CSMD1: variants seen among roughly 807,000 people sequenced by gnomAD.
The protein encoded by CSMD1 is CUB and sushi domain-containing protein 1.
In CSMD1, 213 loss-of-function variants were observed where a neutral mutation model predicts 417.5. The observed-to-expected ratio is 0.51, with a 90% confidence interval of 0.46 to 0.57. The LOEUF (loss-of-function observed/expected upper bound fraction) is 0.57, where lower values mean the gene tolerates loss of function less well. Ranked by LOEUF, CSMD1 falls within the 20% of genes least tolerant of loss-of-function variation. The pLI is 0.00. For missense variants in CSMD1, 6,923 were observed against 4,529.7 expected, an observed-to-expected ratio of 1.53 and a Z score of -15.17; for synonymous variants, 2,862 against 1,736.8, an observed-to-expected ratio of 1.65 and a Z score of -16.11.
chr8:3,984,782 T>C (rs896712743), intron 5 of CSMD1, among the ~76,000 whole-genome samples: 1 of 145,020 alleles, frequency 6.9e-6, no homozygotes, highest in Admixed American at 7.0e-5. Context: ...TGTGTGTGTG[T>C]GTGGGTGTAA....
intron 12 of CSMD1, among the ~76,000 whole-genome samples, chr8:3,431,690 T>C (rs898297546): frequency 6.6e-6 from 1 of 152,234 alleles, no homozygotes; most frequent in East Asian, 1.9e-4. Context: ...TGACCCATAG[T>C]CTTGCTAAAA....
chr8:4,012,280 G>C (rs1297737567), intron 4 of CSMD1, among the ~76,000 whole-genome samples: 2 of 152,072 alleles, frequency 1.3e-5, no homozygotes, highest in African/African-American at 2.4e-5. Context: ...GTTCTTCTGA[G>C]TCATCATGCC....
chr8:3,528,864 A>G (rs986362911), intron 10 of CSMD1, among the ~76,000 whole-genome samples: 7 of 152,218 alleles, frequency 4.6e-5, no homozygotes, highest in African/African-American at 1.7e-4. Flanking sequence ...ATGAGTTTTA[A>G]TACTCTGTAT....
chr8:3,411,999 TAC>T (rs1812804479), intron 12 of CSMD1, among the ~76,000 whole-genome samples: 1 of 34,280 alleles, frequency 2.9e-5, no homozygotes, highest in African/African-American at 1.0e-4. Context: ...TACGTGTATA[TAC>T]ACGTATATAT....
At chr8:4,307,739 A>C (rs556327887) in intron 3 of CSMD1, among the ~76,000 whole-genome samples, 4 of 152,278 alleles carry the variant, frequency 2.6e-5, no homozygotes, top group African/African-American at 9.6e-5. Context: ...GAATACCTAC[A>C]TGGGCAACCA....
At position 2,963,352 on chromosome 8, in the gene CSMD1, C is replaced by A. The variant is rs1438175288; in HGVS notation, c.9324G>T (p.Val3108=). Residue 3108 remains valine (V), a synonymous_variant, in exon 60 of 70, where the codon GTG becomes GTT. Coordinates refer to ENST00000635120, the MANE Select transcript of CSMD1 (RefSeq NM_033225.6). ...AGCCCCAGCGGAAATCACTTCCCTCCACTGTTCCATTCTGCACCGGCGGCG... is the reference window on the plus strand; with the variant it reads ...AGCCCCAGCGGAAATCACTTCCCTCAACTGTTCCATTCTGCACCGGCGGCG... ...PQPPPVQNGT[V]EGSDFRWGSS... 6.2e-7 allele frequency: 1 copy of A among 1,613,854 alleles called. No individual in the cohort carries two copies. Among genetic ancestry groups the A allele is most frequent in the Non-Finnish European group, 8.5e-7 (1 of 1,179,880 alleles).
chr8:3,893,282 T>C (rs1807108938), intron 5 of CSMD1, among the ~76,000 whole-genome samples: 1 of 146,260 alleles, frequency 6.8e-6, no homozygotes, highest in Non-Finnish European at 1.5e-5. Context: ...ACAAGTAATT[T>C]GTGATTTCTT....
intron 2 of CSMD1, among the ~76,000 whole-genome samples, chr8:4,566,620 T>C (rs1189905415): frequency 8.6e-6 from 1 of 116,514 alleles, no homozygotes; most frequent in Non-Finnish European, 1.6e-5. Context: ...ACCACTGCAC[T>C]CCAGCCTGGG....
At chr8:3,666,899 T>C (rs1759081599) in intron 7 of CSMD1, among the ~76,000 whole-genome samples, 1 of 152,134 alleles carries the variant, frequency 6.6e-6, no homozygotes, top group African/African-American at 2.4e-5. Context: ...AAATGAACTA[T>C]TACACCTGCT....
At chr8:3,964,951 C>T (rs780917564) in intron 5 of CSMD1, among the ~76,000 whole-genome samples, 12 of 152,102 alleles carry the variant, frequency 7.9e-5, no homozygotes, top group Non-Finnish European at 1.0e-4. Flanking sequence ...GGTTTATCCT[C>T]GTCATGTAAT....
intron 12 of CSMD1, among the ~76,000 whole-genome samples, chr8:3,459,146 C>T (rs1038311600): frequency 6.6e-6 from 1 of 152,222 alleles, no homozygotes; most frequent in Non-Finnish European, 1.5e-5. Context: ...CCCTGTGGCT[C>T]TTGAGAGGAC....
At chr8:3,662,350 C>T (rs1328314088) in intron 7 of CSMD1, among the ~76,000 whole-genome samples, 3 of 152,134 alleles carry the variant, frequency 2.0e-5, no homozygotes, top group Admixed American at 2.0e-4. Flanking sequence ...ATCTCTCTCT[C>T]CCCACTCCTC....
intron 1 of CSMD1, among the ~76,000 whole-genome samples, chr8:4,955,087 C>T (rs768153465): frequency 1.3e-5 from 2 of 152,100 alleles, no homozygotes; most frequent in Non-Finnish European, 2.9e-5. Context: ...CTGGAACAAT[C>T]GCTTCAGCAT....
Position 4,473,136 on chromosome 8 carries a change from A to G in CSMD1, c.303-53071T>C, listed in dbSNP as rs1800625558. 2.0e-5 allele frequency among the ~76,000 whole-genome samples: 3 copies of G among 152,176 alleles called. No individual in the cohort carries two copies. The South Asian group carries it at 6.2e-4, about 31-fold the overall frequency. ...ATTTAGATAATTACAACCTTATAGT[A>G]AATTCCTGGAATATAGATTTTAAAA... On this transcript the variant is annotated intron_variant, in intron 2 of 69. Transcript: ENST00000635120.
chr8:4,048,991 T>C (rs972273826), intron 3 of CSMD1, among the ~76,000 whole-genome samples: 2 of 152,172 alleles, frequency 1.3e-5, no homozygotes, highest in Non-Finnish European at 1.5e-5. Flanking sequence ...CTAAGGTTGA[T>C]ACAAAGAGGT....
chr8:3,576,367 A>ATCTC (rs112536515), intron 9 of CSMD1, among the ~76,000 whole-genome samples: 64,142 of 151,548 alleles, frequency 0.42, 14,070 homozygotes, highest in Middle Eastern at 0.51. Context: ...TTCATCTGAG[A>ATCTC]TCTCTCCTAA....
At chr8:4,060,986 T>C (rs1283747465) in intron 3 of CSMD1, among the ~76,000 whole-genome samples, 1 of 152,150 alleles carries the variant, frequency 6.6e-6, no homozygotes, top group Non-Finnish European at 1.5e-5. Context: ...AAGCTGCTTG[T>C]GAGCAAGCAA....
At chr8:3,476,873 G>A (rs1186998887) in intron 11 of CSMD1, among the ~76,000 whole-genome samples, 6 of 143,504 alleles carry the variant, frequency 4.2e-5, no homozygotes, top group Admixed American at 7.2e-5. Context: ...AGCCAAGACC[G>A]TGTCACTGCA....
Position 4,718,895 on chromosome 8 carries a change from C to A in CSMD1, c.86-81337G>T, listed in dbSNP as rs79261838. On this transcript the variant is annotated intron_variant, in intron 1 of 69. Transcript: ENST00000635120. ...ATGAATGAAAATACGTATCTTTGAA[C>A]TCTATGACATTGTATTAAAAAATGA... Among the ~76,000 whole-genome samples, 8 of 152,068 alleles carry A rather than the reference C, an allele frequency of 5.3e-5. No individual in the cohort carries two copies. In the East Asian group the frequency reaches 1.5e-3, roughly 29 times the overall value.
Sources: allele counts gnomAD v4.1 joint callset (sites outside exome capture counted in the v4.1 genomes callset), GRCh38; gene constraint gnomAD v4.1.1; transcripts MANE v1.5; gene names NCBI Gene and HGNC (gene_info 2026-07-23, HGNC 2026-07-21).